The following ICOS variants were observed in gnomAD, a reference collection of about 807,000 sequenced individuals.
ICOS encodes inducible T cell costimulator.
In ICOS, 15 loss-of-function variants were observed where a neutral mutation model predicts 24.6. The observed-to-expected ratio is 0.61, with a 90% CI of 0.41 to 0.94. The LOEUF is 0.94. Among genes scored for constraint, ICOS ranks in the 40% least tolerant of loss-of-function variants. The pLI, the probability that ICOS is intolerant of heterozygous loss-of-function variation, is 0.00. For synonymous variants in ICOS, 89 were observed against 77.5 expected, an observed-to-expected ratio of 1.15 and a Z score of -0.78; for missense variants, 200 against 233.0, an observed-to-expected ratio of 0.86 and a Z score of 0.92.
intron 3 of ICOS, among the ~76,000 whole-genome samples, chr2:203,957,462 A>G (rs533458728): frequency 3.9e-5 from 6 of 152,334 alleles, no homozygotes; most frequent in Non-Finnish European, 7.3e-5. Context: ...CTAGTACTCA[A>G]GTATATCCAC....
chr2:203,956,250 A>G (rs1368423462), intron 2 of ICOS, among the ~76,000 whole-genome samples: 2 of 152,176 alleles, frequency 1.3e-5, no homozygotes, highest in African/African-American at 4.8e-5. Flanking sequence ...ATCAGGAAAA[A>G]CATTAAGACA....
At chr2:203,942,349 T>C (rs139632009) in intron 1 of ICOS, among the ~76,000 whole-genome samples, 3 of 152,338 alleles carry the variant, frequency 2.0e-5, no homozygotes, top group African/African-American at 7.2e-5. Context: ...TATTTAATTA[T>C]GATGAAATTT....
intron 4 of ICOS, among the ~76,000 whole-genome samples, chr2:203,958,107 A>G (rs56366932): frequency 6.6e-6 from 1 of 152,252 alleles, no homozygotes; most frequent in Non-Finnish European, 1.5e-5. Context: ...TATTGAAACT[A>G]AACACACAAA....
At chr2:203,938,712 G>A (rs1689710147) in intron 1 of ICOS, among the ~76,000 whole-genome samples, 1 of 152,214 alleles carries the variant, frequency 6.6e-6, no homozygotes, top group Non-Finnish European at 1.5e-5. Context: ...TGTGGAAGGT[G>A]AGATCCAGCC....
At chr2:203,956,847 C>G (rs758526877) in intron 3 of ICOS, 82 bp downstream of exon 3, 1 of 929,292 alleles carries the variant, frequency 1.1e-6, no homozygotes, top group Non-Finnish European at 1.8e-6. Context: ...ACACATGGCT[C>G]TTGTCAGAGT....
intron 1 of ICOS, among the ~76,000 whole-genome samples, chr2:203,938,636 C>A (rs1398861626): frequency 6.6e-6 from 1 of 152,156 alleles, no homozygotes; most frequent in African/African-American, 2.4e-5. Context: ...CTAGGCCAAA[C>A]CAATTTGGGC....
rs1215466849 is a variant in ICOS at position 203,955,767 on chromosome 2, G to T, written c.190G>T (p.Asp64Tyr). 1 of 1,613,646 alleles carries T rather than the reference G, an allele frequency of 6.2e-7. No homozygotes were observed. Among genetic ancestry groups the T allele is most frequent in the Non-Finnish European group, 8.5e-7 (1 of 1,179,800 alleles). Residue 64 changes from aspartate (D) to tyrosine (Y), a missense_variant, in exon 2 of 5, where the codon GAT becomes TAT. By Grantham distance (160) the Asp-to-Tyr change is radical. Transcript: ENST00000316386. ...GCTGAAAGGGGGGCAAATACTCTGC[G>T]ATCTCACTAAGACAAAAGGAAGTGG... ...QLLKGGQILC[D>Y]LTKTKGSGNT...
chr2:203,951,853 A>G (rs910685891), intron 1 of ICOS, among the ~76,000 whole-genome samples: 9 of 152,170 alleles, frequency 5.9e-5, no homozygotes, highest in African/African-American at 2.2e-4. Context: ...AACATATTTT[A>G]CTGTCAGACA....
chr2:203,946,052 C>A (rs1353171873), intron 1 of ICOS, among the ~76,000 whole-genome samples: 1 of 152,140 alleles, frequency 6.6e-6, no homozygotes. Context: ...ATCCTCTCTC[C>A]CTCCCACTCT....
Position 203,952,180 on chromosome 2 carries a change from T to G in ICOS, c.59-3456T>G, listed in dbSNP as rs1253676561. Among the ~76,000 whole-genome samples the G allele has an allele frequency of 2.0e-5, 3 of 152,196 alleles. No homozygotes were observed. The East Asian group carries it at 5.8e-4, about 29-fold the overall frequency. On this transcript the variant is annotated intron_variant, in intron 1 of 4. Transcript: ENST00000316386. ...ATTTCCTTCTGATTCCAACTCTTTC[T>G]CCCTCTTTAGACAAAACCATTAGGC...
chr2:203,945,720 T>G (rs954978635), intron 1 of ICOS, among the ~76,000 whole-genome samples: 1 of 152,210 alleles, frequency 6.6e-6, no homozygotes, highest in Non-Finnish European at 1.5e-5. Flanking sequence ...TATTATAATC[T>G]TATGGGACCG....
intron 1 of ICOS, among the ~76,000 whole-genome samples, chr2:203,941,377 A>G (rs545095669): frequency 6.6e-6 from 1 of 152,302 alleles, no homozygotes; most frequent in African/African-American, 2.4e-5. Context: ...TTAAGTTACT[A>G]GTAGCATATT....
intron 4 of ICOS, among the ~76,000 whole-genome samples, chr2:203,958,586 G>A (rs1157930076): frequency 6.6e-6 from 1 of 152,198 alleles, no homozygotes; most frequent in Non-Finnish European, 1.5e-5. Context: ...TAATGAGACA[G>A]AAGCCACTGC....
chr2:203,938,346 A>G (rs1689701105), intron 1 of ICOS, among the ~76,000 whole-genome samples: 2 of 152,210 alleles, frequency 1.3e-5, no homozygotes, highest in South Asian at 4.1e-4. Flanking sequence ...GTTCCATACC[A>G]TGGAAGGAAC....
intron 1 of ICOS, among the ~76,000 whole-genome samples, 176 bp downstream of exon 1, chr2:203,937,048 A>G (rs1441023825): frequency 6.6e-6 from 1 of 152,116 alleles, no homozygotes; most frequent in Non-Finnish European, 1.5e-5. Flanking sequence ...GATGGCATTG[A>G]GTTTGCATTG....
intron 1 of ICOS, among the ~76,000 whole-genome samples, chr2:203,944,530 C>T (rs1314154567): frequency 6.6e-6 from 1 of 152,178 alleles, no homozygotes; most frequent in African/African-American, 2.4e-5. Flanking sequence ...GATCTTTGCT[C>T]TCCTTTTCCC....
At chr2:203,942,109 T>C (rs1689787674) in intron 1 of ICOS, among the ~76,000 whole-genome samples, 1 of 152,248 alleles carries the variant, frequency 6.6e-6, no homozygotes, top group African/African-American at 2.4e-5. Context: ...GACACAGCAC[T>C]TTCAATAAGC....
At chr2:203,940,577 T>G (rs1222717197) in intron 1 of ICOS, among the ~76,000 whole-genome samples, 1 of 152,124 alleles carries the variant, frequency 6.6e-6, no homozygotes, top group Admixed American at 6.5e-5. Flanking sequence ...CCTTTCTTCT[T>G]AGTGGTTGCA....
At chr2:203,936,921 A>C in intron 1 of ICOS, 49 bp downstream of exon 1, 3 of 1,399,306 alleles carry the variant, frequency 2.1e-6, no homozygotes, top group Non-Finnish European at 3.0e-6. Flanking sequence ...TCAAGTAAAC[A>C]TTAAGAAAAA....
Sources: gnomAD v4.1 joint callset for allele counts (sites outside exome capture counted in the v4.1 genomes callset) on GRCh38, gnomAD v4.1.1 for gene constraint, MANE v1.5 for transcripts, NCBI Gene and HGNC (gene_info 2026-07-23, HGNC 2026-07-21) for gene names.